Variants in SV2B observed in about 807,000 individuals in gnomAD.
The protein encoded by SV2B is synaptic vesicle glycoprotein 2B.
In SV2B, 41 loss-of-function variants were observed where a neutral mutation model predicts 73.9. The ratio of observed to expected loss-of-function variants is 0.56; its 90% CI spans 0.43 to 0.72. The LOEUF is 0.72. Ranked by LOEUF, SV2B falls within the 30% of genes least tolerant of loss-of-function variation. SV2B has a pLI of 0.00. For synonymous variants in SV2B, 314 were observed against 314.2 expected, an observed-to-expected ratio of 1.00 and a Z score of 0.01; for missense variants, 764 against 857.8, an observed-to-expected ratio of 0.89 and a Z score of 1.37.
intron 1 of SV2B, among the ~76,000 whole-genome samples, chr15:91,157,578 T>C (rs954380685): frequency 1.3e-5 from 2 of 152,224 alleles, no homozygotes; most frequent in African/African-American, 4.8e-5. Context: ...TTTAAGCTCT[T>C]TGCACATTCT....
intron 1 of SV2B, among the ~76,000 whole-genome samples, chr15:91,163,705 C>T (rs1312093217): frequency 2.6e-5 from 4 of 152,124 alleles, no homozygotes; most frequent in Admixed American, 6.6e-5. Flanking sequence ...TTCTCCCATT[C>T]TGAAGGTTGC....
At position 91,226,698 on chromosome 15, in the gene SV2B, C is replaced by A; in HGVS notation, c.435C>A (p.Ser145=). The change falls in exon 2 of 13, where the codon TCC becomes TCA. Residue 145 remains serine (S), a synonymous_variant. Coordinates refer to ENST00000394232, the MANE Select transcript of SV2B (RefSeq NM_001323032.3). The part of the protein sequence containing the change: ...SAEKDMCLSS[S]KKGMLGMIVY... ...AGAAGGACATGTGTCTGTCCAGTTC[C>A]AAAAAAGGAATGCTAGGTAAGTGGA... 1 of 1,599,534 alleles carries A rather than the reference C, an allele frequency of 6.3e-7. No individual in the cohort carries two copies. The highest frequency in any genetic ancestry group is 8.5e-7 in the Non-Finnish European group (1 of 1,177,036).
Position 91,283,243 on chromosome 15 carries a change from T to A in SV2B, c.1508-778T>A, listed in dbSNP as rs1222804662. 6.6e-6 allele frequency among the ~76,000 whole-genome samples: 1 copy of A among 152,208 alleles called. No homozygotes were observed. ...TGGTTCCAATGCAAATGGCTTTTAT[T>A]TTTTAAGAATGTTCAGGTTTTGGCA... is the stretch of plus-strand genomic sequence containing the variant. On this transcript the variant is annotated intron_variant, in intron 10 of 12. Transcript: ENST00000394232. The surrounding 1 kb of genome is among the most constrained non-coding windows in gnomAD (Gnocchi z 4.3).
rs546079443 is a variant in SV2B, at chr15:91,106,753, CTTAAT to C, written c.-392+6395_-392+6399del. Among the ~76,000 whole-genome samples, 38 of 152,268 alleles carry C rather than the reference CTTAAT, an allele frequency of 2.5e-4. No homozygotes were observed. Among genetic ancestry groups the C allele is most frequent in the African/African-American group, 9.1e-4 (38 of 41,566 alleles). On this transcript the variant is annotated intron_variant, in intron 1 of 12. Coordinates refer to ENST00000394232, the MANE Select transcript of SV2B (RefSeq NM_001323032.3). The surrounding 1 kb of genome is among the most constrained non-coding windows in gnomAD (Gnocchi z 4.4). ...GTTCTTGGGTTATTATTGTACTGCT[CTTAAT>C]TTAAGATGAGGCAGAAGCAAGGAAG... is the stretch of plus-strand genomic sequence containing the variant.
chr15:91,161,446 A>G (rs2043714820), intron 1 of SV2B, among the ~76,000 whole-genome samples: 1 of 152,256 alleles, frequency 6.6e-6, no homozygotes, highest in South Asian at 2.1e-4. Flanking sequence ...CAACATAAGA[A>G]TTTTAAAAAT....
intron 1 of SV2B, among the ~76,000 whole-genome samples, chr15:91,222,428 G>A (rs1003405312): frequency 6.6e-6 from 1 of 152,184 alleles, no homozygotes; most frequent in Non-Finnish European, 1.5e-5. Flanking sequence ...ACCACACGAT[G>A]CTTTGTGTTG....
rs1185377698 is a variant in SV2B, at chr15:91,105,411, C to T, written c.-392+5048C>T. On this transcript the variant is annotated intron_variant, in intron 1 of 12. Transcript: ENST00000394232. The surrounding 1 kb of genome is among the most constrained non-coding windows in gnomAD (Gnocchi z 5.5). ...CAGGTAGGGAGAACAGGTGCAAAGGCCCCGAGGCAACAGATAACTGGCATG... is the reference window on the plus strand; with the variant it reads ...CAGGTAGGGAGAACAGGTGCAAAGGTCCCGAGGCAACAGATAACTGGCATG... Among the ~76,000 whole-genome samples, 1 of 152,084 alleles carries T rather than the reference C, an allele frequency of 6.6e-6. No individual in the cohort carries two copies. Among genetic ancestry groups the T allele is most frequent in the Non-Finnish European group, 1.5e-5 (1 of 68,026 alleles).
chr15:91,168,072 C>T (rs748935010), intron 1 of SV2B, among the ~76,000 whole-genome samples: 51 of 152,044 alleles, frequency 3.4e-4, no homozygotes, highest in Non-Finnish European at 6.9e-4. Context: ...TTTTGCTATA[C>T]TGCTTTGAGT....
At chr15:91,183,523 A>G (rs1249646012) in intron 1 of SV2B, among the ~76,000 whole-genome samples, 1 of 152,170 alleles carries the variant, frequency 6.6e-6, no homozygotes. Flanking sequence ...TATGAGTCCA[A>G]ACTTTGAGAC....
In SV2B at chr15:91,267,878, C is replaced by T. The variant is rs2048161304; in HGVS notation, c.1208+235C>T. Among the ~76,000 whole-genome samples the T allele has an allele frequency of 6.6e-6, 1 of 151,792 alleles. No individual in the cohort carries two copies. Among genetic ancestry groups the T allele is most frequent in the Non-Finnish European group, 1.5e-5 (1 of 67,974 alleles). ...AGTTCAGTGGCATGGGCTTGGCTCA[C>T]TGCAGCCTGTGCCTCCTGGGTTCAA... is the stretch of plus-strand genomic sequence containing the variant. On this transcript the variant is annotated intron_variant, in intron 8 of 12. Coordinates refer to ENST00000394232, the MANE Select transcript of SV2B (RefSeq NM_001323032.3). This position sits in a 1 kb window ranked among gnomAD's most constrained non-coding sequence, Gnocchi z 4.3.
At chr15:91,148,819 C>G (rs575068545) in intron 1 of SV2B, among the ~76,000 whole-genome samples, 3 of 152,164 alleles carry the variant, frequency 2.0e-5, no homozygotes, top group African/African-American at 7.2e-5. Flanking sequence ...GACAGTCAGG[C>G]AGAGAGAATT....
At chr15:91,263,538 A>G (rs1250383515) in intron 6 of SV2B, among the ~76,000 whole-genome samples, 1 of 152,090 alleles carries the variant, frequency 6.6e-6, no homozygotes, top group Non-Finnish European at 1.5e-5. Context: ...ACAGACACAC[A>G]TTAAGACAGA....
intron 4 of SV2B, among the ~76,000 whole-genome samples, chr15:91,255,205 G>T (rs1454412338): frequency 1.3e-5 from 2 of 152,172 alleles, no homozygotes; most frequent in African/African-American, 4.8e-5. Context: ...TTCTAGGAAA[G>T]CAATAAAAGA....
At chr15:91,285,393 C>G (rs2048826908) in intron 11 of SV2B, among the ~76,000 whole-genome samples, 1 of 152,178 alleles carries the variant, frequency 6.6e-6, no homozygotes, top group Non-Finnish European at 1.5e-5. Flanking sequence ...TCGTCCATAA[C>G]CCGTGTCCAG....
At chr15:91,120,300 G>A (rs1292459808) in intron 1 of SV2B, among the ~76,000 whole-genome samples, 1 of 152,218 alleles carries the variant, frequency 6.6e-6, no homozygotes, top group African/African-American at 2.4e-5. Flanking sequence ...GAGAGAGAGA[G>A]TGAGGGAGGA....
rs1367416432 is a variant in SV2B at position 91,270,920 on chromosome 15, TGGGAGGACGGTGAGTCCTGTGGAC to T, written c.1373+2317_1373+2340del. ...GGAGGACGGTGAGTCCTGTGGACGA[TGGGAGGACGGTGAGTCCTGTGGAC>T]GATGGGAGGACGGTGAGTCCTGTGG... On this transcript the variant is annotated intron_variant, in intron 9 of 12. Coordinates refer to ENST00000394232, the MANE Select transcript of SV2B (RefSeq NM_001323032.3). Among the ~76,000 whole-genome samples, 39 of 143,084 alleles carry T rather than the reference TGGGAGGACGGTGAGTCCTGTGGAC, an allele frequency of 2.7e-4. 5 individuals are homozygous for T. Among genetic ancestry groups the T allele is most frequent in the African/African-American group, 9.3e-4 (34 of 36,562 alleles). The allele number at this position is 143,084 out of a possible 152,430, so 93.9% of individuals were successfully genotyped here.
At chr15:91,138,378 G>T (rs180979825) in intron 1 of SV2B, among the ~76,000 whole-genome samples, 2 of 152,172 alleles carry the variant, frequency 1.3e-5, no homozygotes, top group African/African-American at 2.4e-5. Context: ...AGCCACATGT[G>T]GCTCTTGGTT....
At chr15:91,154,320 G>T (rs761542543) in intron 1 of SV2B, among the ~76,000 whole-genome samples, 31 of 152,102 alleles carry the variant, frequency 2.0e-4, no homozygotes, top group Non-Finnish European at 3.8e-4. Context: ...CTATGTGCCG[G>T]ATGCAGTGCC....
Position 91,220,670 on chromosome 15 carries a change from A to G in SV2B, c.-391-5203A>G, listed in dbSNP as rs2046182944. 6.6e-6 allele frequency among the ~76,000 whole-genome samples: 1 copy of G among 152,230 alleles called. No homozygotes were observed. Among genetic ancestry groups the G allele is most frequent in the Non-Finnish European group, 1.5e-5 (1 of 68,046 alleles). Reference sequence around the variant, plus strand: ...GGAGGATGCTTAAGAGGTTAGCAGCATGGGAGGTAGTTGTTTTTAGGAGTA... The same window carrying G: ...GGAGGATGCTTAAGAGGTTAGCAGCGTGGGAGGTAGTTGTTTTTAGGAGTA... On this transcript the variant is annotated intron_variant, in intron 1 of 12. Transcript: ENST00000394232. This position sits in a 1 kb window ranked among gnomAD's most constrained non-coding sequence, Gnocchi z 4.1.
Sources: gnomAD v4.1 joint callset for allele counts (sites outside exome capture counted in the v4.1 genomes callset) on GRCh38, gnomAD v4.1.1 for gene constraint, Gnocchi (gnomAD v3.1) non-coding constraint, MANE v1.5 for transcripts, NCBI Gene and HGNC (gene_info 2026-07-23, HGNC 2026-07-21) for gene names.